NDUFAF2: variants seen among roughly 807,000 people sequenced by gnomAD.
The protein encoded by NDUFAF2 is NADH dehydrogenase [ubiquinone] 1 alpha subcomplex assembly factor 2.
NDUFAF2 carries 13 observed loss-of-function variants against 22.8 expected under a neutral mutation model. The ratio of observed to expected loss-of-function variants is 0.57; its 90% CI spans 0.37 to 0.91. NDUFAF2 has a LOEUF of 0.91. NDUFAF2 is among the 40% of genes least tolerant of loss of function. The probability of loss-of-function intolerance (pLI) is 0.01; values close to 1 mark genes in which losing one functional copy is unlikely to be tolerated. For synonymous variants in NDUFAF2, 53 were observed against 64.2 expected (o/e 0.83, Z 0.84); for missense variants, 162 against 195.2 (o/e 0.83, Z 1.01).
chr5:61,137,610 G>T (rs977058129), intron 3 of NDUFAF2, among the ~76,000 whole-genome samples: 2 of 152,190 alleles, frequency 1.3e-5, no homozygotes, highest in African/African-American at 2.4e-5. Flanking sequence ...CCAGCAGAGA[G>T]CTAAAAGAGG....
intron 1 of NDUFAF2, among the ~76,000 whole-genome samples, chr5:61,007,448 AG>A (rs1216042119): frequency 2.6e-5 from 4 of 151,566 alleles, no homozygotes; most frequent in Admixed American, 1.3e-4. Flanking sequence ...GTTATTTCTC[AG>A]GGCTCTGTGA....
intron 1 of NDUFAF2, among the ~76,000 whole-genome samples, chr5:60,954,407 A>G (rs1211969857): frequency 6.6e-6 from 1 of 152,144 alleles, no homozygotes; most frequent in Non-Finnish European, 1.5e-5. Context: ...AGAGCACAAT[A>G]GGTATTGTTG....
Position 61,073,140 on chromosome 5 carries a change from A to G in NDUFAF2, c.143A>G (p.Glu48Gly), listed in dbSNP as rs1752322169. 1 of 1,610,992 alleles carries G rather than the reference A, an allele frequency of 6.2e-7. No individual in the cohort carries two copies. The highest frequency in any genetic ancestry group is 1.7e-5 in the Admixed American group (1 of 60,002). The change falls in exon 2 of 4, where the codon GAG (glutamate) becomes GGG (glycine). Residue 48 changes from glutamate to glycine, a missense_variant. This residue lies in a region of NDUFAF2 where 94 missense variants were observed against 85.2 expected (regional missense o/e 1.10). Transcript: ENST00000296597. The stretch of plus-strand genomic sequence containing the variant: ...TGTCTTATAGGACAAACTATTCGAG[A>G]GAAAAGAATTGTAGAAGCAGCAAAT... The part of the protein sequence containing the change: ...YKNWRGQTIR[E>G]KRIVEAANKK...
chr5:61,045,736 A>AT (rs1275989536), intron 1 of NDUFAF2, among the ~76,000 whole-genome samples: 8 of 152,006 alleles, frequency 5.3e-5, no homozygotes, highest in African/African-American at 1.4e-4. Flanking sequence ...AGTCTTTAGG[A>AT]TTTTTTAGAT....
intron 1 of NDUFAF2, among the ~76,000 whole-genome samples, chr5:61,009,611 TG>T (rs1751418458): frequency 6.6e-6 from 1 of 152,120 alleles, no homozygotes; most frequent in Admixed American, 6.6e-5. Flanking sequence ...TAAAATGTCT[TG>T]TAGTTTTTCT....
intron 1 of NDUFAF2, among the ~76,000 whole-genome samples, chr5:60,992,108 C>T (rs1751166271): frequency 6.6e-6 from 1 of 152,168 alleles, no homozygotes; most frequent in Non-Finnish European, 1.5e-5. Flanking sequence ...TGAGAAATGT[C>T]TATTCAAATC....
At chr5:60,982,836 TGTGAATA>T (rs1751005403) in intron 1 of NDUFAF2, among the ~76,000 whole-genome samples, 2 of 152,114 alleles carry the variant, frequency 1.3e-5, no homozygotes, top group African/African-American at 4.8e-5. Flanking sequence ...TCTTTGCTAT[TGTGAATA>T]GTGCCGCAAT....
At chr5:61,033,255 T>A (rs1257863087) in intron 1 of NDUFAF2, among the ~76,000 whole-genome samples, 1 of 152,176 alleles carries the variant, frequency 6.6e-6, no homozygotes, top group Admixed American at 6.6e-5. Flanking sequence ...TATTATGTTT[T>A]CACATAGATG....
At chr5:61,056,906 AAAAAAAAAAAAAAATATATATAT>A (rs1752100501) in intron 1 of NDUFAF2, among the ~76,000 whole-genome samples, 1 of 41,508 alleles carries the variant, frequency 2.4e-5, no homozygotes, top group Non-Finnish European at 4.4e-5. Context: ...AAAAAAAAAA[AAAAAAAAAAAAAAATATATATAT>A]ATATATATAT....
At chr5:61,069,843 T>C (rs189879680) in intron 1 of NDUFAF2, among the ~76,000 whole-genome samples, 65 of 152,232 alleles carry the variant, frequency 4.3e-4, no homozygotes, top group African/African-American at 1.5e-3. Flanking sequence ...AACAAAGAAA[T>C]AGGAAATCTA....
At chr5:61,069,031 C>T (rs1005191784) in intron 1 of NDUFAF2, among the ~76,000 whole-genome samples, 3 of 151,816 alleles carry the variant, frequency 2.0e-5, no homozygotes, top group African/African-American at 7.3e-5. Flanking sequence ...ATAATAGTAC[C>T]TCATAGCATT....
chr5:61,106,778 G>A (rs1752769650), intron 3 of NDUFAF2, among the ~76,000 whole-genome samples: 1 of 150,726 alleles, frequency 6.6e-6, no homozygotes, highest in Admixed American at 6.6e-5. Context: ...GTGAGAACAT[G>A]TGAAGGTTAT....
At chr5:61,148,890 A>T (rs952726271) in intron 3 of NDUFAF2, among the ~76,000 whole-genome samples, 1 of 152,268 alleles carries the variant, frequency 6.6e-6, no homozygotes, top group African/African-American at 2.4e-5. Context: ...TGTAATCTGC[A>T]TAAACTTTTC....
intron 1 of NDUFAF2, among the ~76,000 whole-genome samples, chr5:61,005,220 G>A (rs945392517): frequency 6.6e-6 from 1 of 152,174 alleles, no homozygotes; most frequent in African/African-American, 2.4e-5. Flanking sequence ...AGTTGGCTTA[G>A]AATGATGGTT....
rs112863479 is a variant in NDUFAF2, at chr5:60,953,888, C to T, written c.127+8506C>T. On this transcript the variant is annotated intron_variant, in intron 1 of 3. Transcript: ENST00000296597. Reference sequence around the variant, plus strand: ...AGTAAAGCTTTTTTTCAAATTTAGTCGGTATAAAATTATTTGAGATAGTCA... The same window carrying T: ...AGTAAAGCTTTTTTTCAAATTTAGTTGGTATAAAATTATTTGAGATAGTCA... Among the ~76,000 whole-genome samples, 1,114 of 151,974 alleles carry T rather than the reference C, an allele frequency of 7.3e-3. 13 individuals are homozygous for T. The highest frequency in any genetic ancestry group is 0.025 in the African/African-American group (1,038 of 41,456).
chr5:61,003,148 T>C (rs1427128295), intron 1 of NDUFAF2, among the ~76,000 whole-genome samples: 5 of 152,152 alleles, frequency 3.3e-5, no homozygotes, highest in Non-Finnish European at 5.9e-5. Flanking sequence ...TCTCTTTCCA[T>C]AAATGTCTGC....
intron 3 of NDUFAF2, among the ~76,000 whole-genome samples, chr5:61,103,197 G>C (rs1432095562): frequency 2.0e-5 from 3 of 152,034 alleles, no homozygotes; most frequent in Non-Finnish European, 4.4e-5. Context: ...TTCCTGATTT[G>C]GGCCCAGCCC....
chr5:60,965,022 T>C (rs1384914614), intron 1 of NDUFAF2, among the ~76,000 whole-genome samples: 1 of 151,824 alleles, frequency 6.6e-6, no homozygotes, highest in African/African-American at 2.4e-5. Flanking sequence ...AATGCAGTAC[T>C]AGGAAGAGGT....
intron 1 of NDUFAF2, among the ~76,000 whole-genome samples, chr5:60,954,114 A>G (rs1561525989): frequency 6.6e-6 from 1 of 152,266 alleles, no homozygotes. Context: ...AACTAGGACT[A>G]GTTCCAGCTT....
Sources: allele counts gnomAD v4.1 joint callset (sites outside exome capture counted in the v4.1 genomes callset), GRCh38; gene constraint gnomAD v4.1.1; regional missense constraint gnomAD v4.1.1; transcripts MANE v1.5; gene names NCBI Gene and HGNC (gene_info 2026-07-23, HGNC 2026-07-21).